The following RAB4B variants were observed in gnomAD, a reference collection of about 807,000 sequenced individuals.
RAB4B encodes the protein RAB4B, member RAS oncogene family.
Under a neutral mutation model 28.3 loss-of-function variants are expected in RAB4B, and 15 were observed. That is an observed-to-expected ratio of 0.53 (90% confidence interval 0.35 to 0.82). The LOEUF is 0.82. RAB4B is among the 40% of genes least tolerant of loss of function. The probability of loss-of-function intolerance (pLI) is 0.01; values close to 1 mark genes in which losing one functional copy is unlikely to be tolerated. For missense variants in RAB4B, 244 were observed against 288.5 expected, an observed-to-expected ratio of 0.85 and a Z score of 1.12; for synonymous variants, 108 against 116.3, an observed-to-expected ratio of 0.93 and a Z score of 0.46.
chr19:40,778,265 C>A lies in RAB4B; in HGVS notation c.-111C>A. On this transcript the variant is annotated 5_prime_UTR_variant, in exon 1 of 8. Coordinates refer to ENST00000357052, the MANE Select transcript of RAB4B (RefSeq NM_016154.5). ...CGGAGGCGGAAGTGGCGGTGCCGGG[C>A]CCGGGGAGTAGGAAGGAGCCGGGGC... is the stretch of plus-strand genomic sequence containing the variant. 1 of 1,068,096 alleles carries A rather than the reference C, an allele frequency of 9.4e-7. No homozygotes were observed. 66.2% of individuals were successfully genotyped at this position (1,068,096 alleles called of 1,614,324 possible).
At chr19:40,788,705 G>A (rs1247802907) in intron 7 of RAB4B, among the ~76,000 whole-genome samples, 1 of 149,916 alleles carries the variant, frequency 6.7e-6, no homozygotes, top group Non-Finnish European at 1.5e-5. Flanking sequence ...TCCTGCCTCA[G>A]CCTCCCGAGT....
intron 3 of RAB4B, 121 bp from the exon 4 acceptor site, chr19:40,783,657 T>G: frequency 2.2e-6 from 2 of 919,562 alleles, no homozygotes; most frequent in Non-Finnish European, 3.0e-6. Context: ...AGGCCAGGTT[T>G]TGGGGGATGG....
chr19:40,794,209 G>C (rs2083187057), intron 7 of RAB4B, among the ~76,000 whole-genome samples: 1 of 151,556 alleles, frequency 6.6e-6, no homozygotes, highest in Non-Finnish European at 1.5e-5. Flanking sequence ...CTAGTAGCTG[G>C]GATTACAGGC....
In RAB4B at chr19:40,778,373, G is replaced by C. The variant is rs376224862; in HGVS notation, c.-3G>C. 270 of 1,482,266 alleles carry C rather than the reference G, an allele frequency of 1.8e-4. No homozygotes were observed. The highest frequency in any genetic ancestry group is 6.5e-4 in the South Asian group (48 of 74,226). The allele number at this position is 1,482,266 out of a possible 1,614,324, so 91.8% of individuals were successfully genotyped here. ...TGCGGCCCTCAGCGGCCGCGACCGAGTCATGGCTGAGACCTACGGTGAGGG... is the reference window on the plus strand; with the variant it reads ...TGCGGCCCTCAGCGGCCGCGACCGACTCATGGCTGAGACCTACGGTGAGGG... On this transcript the variant is annotated 5_prime_UTR_variant, in exon 1 of 8. Coordinates refer to ENST00000357052, the MANE Select transcript of RAB4B (RefSeq NM_016154.5).
At chr19:40,793,243 CTT>C (rs937913632) in intron 7 of RAB4B, among the ~76,000 whole-genome samples, 1 of 148,022 alleles carries the variant, frequency 6.8e-6, no homozygotes, top group Admixed American at 6.8e-5. Flanking sequence ...TTTCCTTTTC[CTT>C]TTTTTTTTGA....
chr19:40,778,472 G>C lies in RAB4B; in HGVS notation c.16+81G>C, dbSNP rs2083016139. 1.3e-5 allele frequency: 18 copies of C among 1,334,688 alleles called. No homozygotes were observed. In the South Asian group the frequency reaches 1.4e-4, roughly 10 times the overall value. 82.7% of individuals were successfully genotyped at this position (1,334,688 alleles called of 1,614,324 possible). On this transcript the variant is annotated intron_variant, in intron 1 of 7. Transcript: ENST00000357052. ...CTGTGGGAATGGGCGGGGCTTTGTA[G>C]ATCAGGGGGCGGGGTCTGGTGTGAT...
intron 7 of RAB4B, among the ~76,000 whole-genome samples, chr19:40,793,597 G>A (rs201711465): frequency 1.9e-4 from 9 of 47,652 alleles, no homozygotes; most frequent in Admixed American, 6.9e-4. Context: ...TTTTTTTTTA[G>A]ATATGGTCTC....
At position 40,780,117 on chromosome 19, in the gene RAB4B, G is replaced by A. The variant is rs200567332; in HGVS notation, c.97+18G>A. 535 of 1,613,192 alleles carry A rather than the reference G, an allele frequency of 3.3e-4. 2 individuals carry two copies. Among genetic ancestry groups the A allele is most frequent in the Non-Finnish European group, 4.3e-4 (512 of 1,179,420 alleles). Reference sequence around the variant, plus strand: ...GAATAAGTGTGAGTTTCCCGCAGTGGTCCTGGGAACCCTGAGCTGTGTTTA... The same window carrying A: ...GAATAAGTGTGAGTTTCCCGCAGTGATCCTGGGAACCCTGAGCTGTGTTTA... On this transcript the variant is annotated intron_variant, in intron 2 of 7. Coordinates refer to ENST00000357052, the MANE Select transcript of RAB4B (RefSeq NM_016154.5).
At chr19:40,787,848 G>C (rs2083116092) in intron 7 of RAB4B, among the ~76,000 whole-genome samples, 1 of 150,164 alleles carries the variant, frequency 6.7e-6, no homozygotes, top group African/African-American at 2.4e-5. Context: ...TATAGTCCCA[G>C]CTACTTGGGA....
Position 40,778,381 on chromosome 19 carries a change from T to A in RAB4B, c.6T>A (p.Ala2=), listed in dbSNP as rs761998780. 1 of 1,476,560 alleles carries A rather than the reference T, an allele frequency of 6.8e-7. No individual in the cohort carries two copies. Among genetic ancestry groups the A allele is most frequent in the East Asian group, 2.7e-5 (1 of 36,736 alleles). 91.5% of individuals were successfully genotyped at this position (1,476,560 alleles called of 1,614,324 possible). A position where few individuals can be genotyped will look rare whatever the true frequency, so the allele number is the denominator to read the frequency against. ...TCAGCGGCCGCGACCGAGTCATGGCTGAGACCTACGGTGAGGGTGGTGGAC... is the reference window on the plus strand; with the variant it reads ...TCAGCGGCCGCGACCGAGTCATGGCAGAGACCTACGGTGAGGGTGGTGGAC... M[A]ETYDFLFKFL... Residue 2 remains alanine, a synonymous_variant, in exon 1 of 8, where the codon GCT becomes GCA. Coordinates refer to ENST00000357052, the MANE Select transcript of RAB4B (RefSeq NM_016154.5).
intron 5 of RAB4B, among the ~76,000 whole-genome samples, chr19:40,785,378 G>A (rs2083089159): frequency 6.6e-6 from 1 of 151,264 alleles, no homozygotes; most frequent in Non-Finnish European, 1.5e-5. Context: ...GGGTGTGGTG[G>A]TATGTGCCTG....
chr19:40,795,417 T>G (rs1410098558), intron 7 of RAB4B, among the ~76,000 whole-genome samples: 1 of 151,184 alleles, frequency 6.6e-6, no homozygotes. Flanking sequence ...TTAAATTTTT[T>G]GAGATGGAGT....
rs186067642 is a variant in RAB4B, at chr19:40,778,371, G to A, written c.-5G>A. ...ATTGCGGCCCTCAGCGGCCGCGACC[G>A]AGTCATGGCTGAGACCTACGGTGAG... is the stretch of plus-strand genomic sequence containing the variant. On this transcript the variant is annotated 5_prime_UTR_variant, in exon 1 of 8. Transcript: ENST00000357052. 4 of 1,482,248 alleles carry A rather than the reference G, an allele frequency of 2.7e-6. No individual in the cohort carries two copies. Among genetic ancestry groups the A allele is most frequent in the East Asian group, 2.7e-5 (1 of 36,898 alleles). 91.8% of individuals were successfully genotyped at this position (1,482,248 alleles called of 1,614,324 possible).
intron 7 of RAB4B, among the ~76,000 whole-genome samples, chr19:40,790,927 C>T (rs112073907): frequency 0.011 from 1,667 of 150,380 alleles, 38 homozygotes; most frequent in African/African-American, 0.039. Flanking sequence ...GCAGTCTCGG[C>T]TCACTGCAAC....
rs1251944089 is a variant in RAB4B at position 40,795,572 on chromosome 19, G to C, written c.*16-998G>C. 3.3e-5 allele frequency among the ~76,000 whole-genome samples: 5 copies of C among 150,872 alleles called. No individual in the cohort carries two copies. The East Asian group carries it at 7.8e-4, about 24-fold the overall frequency. The stretch of plus-strand genomic sequence containing the variant: ...CTACCACCACGCCTGGCTAATTTTT[G>C]TATTTTTAGTAGAGACGGGGTTTCA... On this transcript the variant is annotated intron_variant, in intron 7 of 7. Coordinates refer to ENST00000357052, the MANE Select transcript of RAB4B (RefSeq NM_016154.5).
chr19:40,795,122 TCGCGCCACTGC>T (rs1352027507), intron 7 of RAB4B, among the ~76,000 whole-genome samples: 2 of 136,082 alleles, frequency 1.5e-5, no homozygotes, highest in Non-Finnish European at 3.0e-5. Context: ...TGAGCCTAGA[TCGCGCCACTGC>T]ACTTCAGCCC....
chr19:40,780,712 G>A (rs530693032), intron 3 of RAB4B, among the ~76,000 whole-genome samples: 26 of 152,158 alleles, frequency 1.7e-4, no homozygotes, highest in African/African-American at 5.5e-4. Flanking sequence ...GGGGCCAGGC[G>A]CAATGGCTCA....
intron 2 of RAB4B, 34 bp downstream of exon 2, chr19:40,780,133 G>C: frequency 6.2e-7 from 1 of 1,611,674 alleles, no homozygotes. Flanking sequence ...GGAACCCTGA[G>C]CTGTGTTTAT....
At chr19:40,791,164 A>G (rs527391835) in intron 7 of RAB4B, among the ~76,000 whole-genome samples, 1 of 151,566 alleles carries the variant, frequency 6.6e-6, no homozygotes, top group Non-Finnish European at 1.5e-5. Flanking sequence ...CAATTTTTGT[A>G]TTTTTAATAC....
Sources: gnomAD v4.1 joint callset for allele counts (sites outside exome capture counted in the v4.1 genomes callset) on GRCh38, gnomAD v4.1.1 for gene constraint, MANE v1.5 for transcripts, NCBI Gene and HGNC (gene_info 2026-07-23, HGNC 2026-07-21) for gene names.